ZNF273: variants seen among roughly 807,000 people sequenced by gnomAD.
ZNF273 encodes the protein zinc finger protein 273.
A neutral mutation model predicts 14.9 loss-of-function variants in ZNF273; 11 were observed. The ratio of observed to expected loss-of-function variants is 0.74; its 90% CI spans 0.46 to 1.22. The LOEUF is 1.22. Ranked by LOEUF, ZNF273 falls within the 50% of genes most tolerant of loss-of-function variation. The pLI is 0.00. For missense variants in ZNF273, 577 were observed against 660.6 expected (o/e 0.87, Z 1.39); for synonymous variants, 199 against 223.9 (o/e 0.89, Z 0.99).
chr7:64,913,569 A>T (rs1583992614), intron 1 of ZNF273, among the ~76,000 whole-genome samples: 1 of 152,336 alleles, frequency 6.6e-6, no homozygotes, highest in Middle Eastern at 3.4e-3. Flanking sequence ...TTTAATCTGT[A>T]AACTTTAAAG....
At chr7:64,911,522 C>T (rs1793513018) in intron 1 of ZNF273, among the ~76,000 whole-genome samples, 1 of 152,120 alleles carries the variant, frequency 6.6e-6, no homozygotes, top group African/African-American at 2.4e-5. Context: ...CTTAGCCTCC[C>T]GAAGTGCTGG....
chr7:64,889,257 A>C (rs1290472155), downstream of ZNF273: 1 of 984,944 alleles, frequency 1.0e-6, no homozygotes, highest in Non-Finnish European at 1.2e-6. The surrounding 1 kb of genome is among the most constrained non-coding windows in gnomAD (Gnocchi z 4.2). Flanking sequence ...CCCCGCCCGC[A>C]AAGGGCCGGG....
chr7:64,917,781 C>A (rs1196540314), intron 2 of ZNF273, 74 bp downstream of exon 2: 1 of 1,456,900 alleles, frequency 6.9e-7, no homozygotes, highest in African/African-American at 1.4e-5. Flanking sequence ...GAAATTTCTG[C>A]TTTGCATAAA....
At chr7:64,878,453 C>T (rs1791171467) in exon 2 of ZNF273, 1 of 152,320 alleles carries the variant, frequency 6.6e-6, no homozygotes, top group African/African-American at 2.4e-5. Context: ...AGCACTCCTC[C>T]ATCGTCTTGG....
At chr7:64,888,463 CA>C (rs1477923623) in intron 1 of ZNF273, 1 of 985,720 alleles carries the variant, frequency 1.0e-6, no homozygotes. Context: ...GGAGCTTCTC[CA>C]GGTGGCTTCC....
downstream of ZNF273, among the ~76,000 whole-genome samples, chr7:64,894,383 A>T (rs926821163): frequency 6.6e-6 from 1 of 152,212 alleles, no homozygotes; most frequent in African/African-American, 2.4e-5. Context: ...GTTAAATATA[A>T]CACTAAAAAA....
intron 1 of ZNF273, among the ~76,000 whole-genome samples, chr7:64,904,179 C>T (rs997536956): frequency 1.3e-5 from 2 of 152,156 alleles, no homozygotes; most frequent in African/African-American, 4.8e-5. Flanking sequence ...ACCAACGCCT[C>T]CCGGGTTCAT....
At chr7:64,902,771 G>A (rs2129054926), upstream of ZNF273, among the ~76,000 whole-genome samples, 1 of 152,266 alleles carries the variant, frequency 6.6e-6, no homozygotes, top group African/African-American at 2.4e-5. Context: ...CGGCTTCCAG[G>A]TCCTAGGTAG....
upstream of ZNF273, among the ~76,000 whole-genome samples, chr7:64,901,782 C>A (rs1231506417): frequency 6.6e-6 from 1 of 150,840 alleles, no homozygotes; most frequent in African/African-American, 2.4e-5. Flanking sequence ...GAAAGGCCGT[C>A]TCTACTAAAA....
downstream of ZNF273, among the ~76,000 whole-genome samples, chr7:64,892,522 T>C (rs1314116336): frequency 6.6e-6 from 1 of 152,216 alleles, no homozygotes; most frequent in African/African-American, 2.4e-5. Context: ...AGCCTTGTTC[T>C]TCTGGGGTGA....
At chr7:64,914,360 A>C (rs925292622) in intron 1 of ZNF273, among the ~76,000 whole-genome samples, 11 of 150,876 alleles carry the variant, frequency 7.3e-5, no homozygotes, top group South Asian at 2.1e-4. Flanking sequence ...TAAAAAAAAA[A>C]AACACTATTA....
At position 64,928,905 on chromosome 7, in the gene ZNF273, C is replaced by A; in HGVS notation, c.1577C>A (p.Ser526Tyr). 2 of 1,613,958 alleles carry A rather than the reference C, an allele frequency of 1.2e-6. No individual in the cohort carries two copies. Among genetic ancestry groups the A allele is most frequent in the Non-Finnish European group, 1.7e-6 (2 of 1,179,942 alleles). The change falls in exon 4 of 4, where the codon TCC becomes TAC. Residue 526 changes from serine to tyrosine, a missense_variant. This residue lies in a region of ZNF273 where 411 missense variants were observed against 440.4 expected (regional missense o/e 0.93). Coordinates refer to ENST00000476120, the MANE Select transcript of ZNF273 (RefSeq NM_021148.3). ...CEECGKAFNR[S>Y]SNLTRHKKIH... ...GAATGTGGCAAAGCTTTTAACCGGT[C>A]CTCAAACCTTACTCGACATAAGAAA...
At chr7:64,887,794 TGTC>T (rs1791687631) in intron 1 of ZNF273, among the ~76,000 whole-genome samples, 1 of 151,376 alleles carries the variant, frequency 6.6e-6, no homozygotes, top group Admixed American at 6.6e-5. Flanking sequence ...CACCGTGCCC[TGTC>T]TTTTTTTTTT....
At chr7:64,907,145 C>G (rs1043427703) in intron 1 of ZNF273, among the ~76,000 whole-genome samples, 1 of 151,932 alleles carries the variant, frequency 6.6e-6, no homozygotes, top group Admixed American at 6.6e-5. Context: ...CCACTGAGAC[C>G]AGTTCAGCTG....
downstream of ZNF273, chr7:64,889,551 C>G (rs1218529268): frequency 1.0e-6 from 1 of 985,562 alleles, no homozygotes; most frequent in African/African-American, 1.7e-5. This position sits in a 1 kb window ranked among gnomAD's most constrained non-coding sequence, Gnocchi z 4.2. Context: ...CCTCTACGGT[C>G]TCCTCTGACC....
chr7:64,885,431 T>C (rs887257755), intron 1 of ZNF273, among the ~76,000 whole-genome samples: 1 of 152,222 alleles, frequency 6.6e-6, no homozygotes, highest in African/African-American at 2.4e-5. Flanking sequence ...AAATTGTACC[T>C]CTTGGTCACA....
chr7:64,888,067 G>C (rs1340926374), intron 1 of ZNF273, among the ~76,000 whole-genome samples: 1 of 152,160 alleles, frequency 6.6e-6, no homozygotes, highest in East Asian at 1.9e-4. Flanking sequence ...ACCTGCCCAA[G>C]TGGGACCTGT....
At chr7:64,884,539 C>T (rs1791465968), downstream of ZNF273, among the ~76,000 whole-genome samples, 1 of 152,114 alleles carries the variant, frequency 6.6e-6, no homozygotes, top group Non-Finnish European at 1.5e-5. Flanking sequence ...CCTTTATTGT[C>T]GTTCCTGCCT....
chr7:64,909,871 A>G (rs1023129762), intron 1 of ZNF273, among the ~76,000 whole-genome samples: 1 of 147,148 alleles, frequency 6.8e-6, no homozygotes, highest in Non-Finnish European at 1.5e-5. Flanking sequence ...TTGTCTTTTT[A>G]TTAATAGCCA....
Sources: gnomAD v4.1 joint callset for allele counts (sites outside exome capture counted in the v4.1 genomes callset) on GRCh38, gnomAD v4.1.1 for gene constraint, gnomAD v4.1.1 regional missense constraint, Gnocchi (gnomAD v3.1) non-coding constraint, MANE v1.5 for transcripts, NCBI Gene and HGNC (gene_info 2026-07-23, HGNC 2026-07-21) for gene names.